Variants in GRIP2 observed in about 807,000 individuals in gnomAD.
GRIP2 encodes glutamate receptor-interacting protein 2.
A neutral mutation model predicts 108.3 loss-of-function variants in GRIP2; 58 were observed. That is an observed-to-expected ratio of 0.54 (90% CI 0.43 to 0.67). The LOEUF (loss-of-function observed/expected upper bound fraction) is 0.67. Ranked by LOEUF, GRIP2 falls within the 30% of genes least tolerant of loss-of-function variation. GRIP2 has a pLI of 0.00. For synonymous variants in GRIP2, 586 were observed against 598.2 expected (o/e 0.98, Z 0.30); for missense variants, 1,278 against 1,430.6 (o/e 0.89, Z 1.72).
Position 14,505,541 on chromosome 3 carries a change from G to A in GRIP2, c.2573+74C>T. On this transcript the variant is annotated intron_variant, in intron 20 of 23. Transcript: ENST00000621039. The surrounding 1 kb of genome is among the most constrained non-coding windows in gnomAD (Gnocchi z 4.2). ...AGACTCTCCATTCCCCCACCACTTT[G>A]GCACAGGCACCCTCGCCCACCCCAG... 2 of 1,497,140 alleles carry A rather than the reference G, an allele frequency of 1.3e-6. No individual in the cohort carries two copies. The highest frequency in any genetic ancestry group is 1.8e-6 in the Non-Finnish European group (2 of 1,103,198). The allele number at this position is 1,497,140 out of a possible 1,614,324, so 92.7% of individuals were successfully genotyped here. A position where few individuals can be genotyped will look rare whatever the true frequency, so the allele number is the denominator to read the frequency against.
At chr3:14,560,958 C>A (rs1695306658), upstream of GRIP2, among the ~76,000 whole-genome samples, 1 of 152,186 alleles carries the variant, frequency 6.6e-6, no homozygotes, top group African/African-American at 2.4e-5. Flanking sequence ...GACCCCTGGG[C>A]CCTCAACTTT....
rs758630194 is a variant in GRIP2 at position 14,517,772 on chromosome 3, A to G, written c.1156T>C (p.Ser386Pro). The G allele has an allele frequency of 3.7e-6, 6 of 1,610,226 alleles. No individual in the cohort carries two copies. The highest frequency in any genetic ancestry group is 1.3e-5 in the African/African-American group (1 of 74,794). ...AGCTACAGCAGGGCAGGCACATTAC[A>G]TCGGCTTTGGTCCTGGCCAGCAGGT... ...ATPAGQDQSR[S>P]LSSTPFSSPT... The change falls in exon 10 of 24, where the codon TCC becomes CCC. Residue 386 changes from serine to proline, a missense_variant and splice_region_variant. By Grantham distance (74) the Ser-to-Pro change is moderately conservative (BLOSUM62 -1). Coordinates refer to ENST00000621039, the MANE Select transcript of GRIP2 (RefSeq NM_001080423.4).
At chr3:14,530,109 C>T (rs1694669770) in intron 1 of GRIP2, among the ~76,000 whole-genome samples, 1 of 152,190 alleles carries the variant, frequency 6.6e-6, no homozygotes, top group Non-Finnish European at 1.5e-5. Context: ...TCAAAGGAGA[C>T]CACTGGAGGC....
intron 10 of GRIP2, 145 bp downstream of exon 10, chr3:14,517,627 G>A (rs1378641353): frequency 5.8e-6 from 6 of 1,036,204 alleles, no homozygotes; most frequent in Middle Eastern, 3.2e-4. Context: ...TCAGCCTCCC[G>A]AGTGGCTGGG....
intron 1 of GRIP2, among the ~76,000 whole-genome samples, chr3:14,538,517 C>G (rs1694887388): frequency 6.6e-6 from 1 of 152,192 alleles, no homozygotes; most frequent in East Asian, 1.9e-4. Flanking sequence ...CGAAGAGACC[C>G]AGAGTCCTAA....
chr3:14,520,633 A>G (rs2124918546), intron 7 of GRIP2, 96 bp from the exon 8 acceptor site: 1 of 1,293,740 alleles, frequency 7.7e-7, no homozygotes, highest in East Asian at 2.3e-5. Context: ...TGCTGCCTGG[A>G]AGAAACTGTT....
intron 1 of GRIP2, among the ~76,000 whole-genome samples, chr3:14,554,385 G>T (rs1222248461): frequency 6.6e-6 from 1 of 152,200 alleles, no homozygotes; most frequent in Non-Finnish European, 1.5e-5. Context: ...TGTCCCTCCA[G>T]CCTGGGAGGA....
the GRIP2 span, among the ~76,000 whole-genome samples, chr3:14,579,815 C>T: frequency 6.6e-5 from 10 of 152,234 alleles, no homozygotes; most frequent in African/African-American, 1.9e-4. Flanking sequence ...CCATTGACCA[C>T]GAGACCAGGG....
intron 10 of GRIP2, among the ~76,000 whole-genome samples, 176 bp downstream of exon 10, chr3:14,517,596 G>C (rs372136536): frequency 6.7e-6 from 1 of 148,848 alleles, no homozygotes; most frequent in East Asian, 2.0e-4. Context: ...CAACCTCCCA[G>C]GCTGAAGCGA....
intron 11 of GRIP2, among the ~76,000 whole-genome samples, chr3:14,515,132 G>A (rs1399024656): frequency 1.3e-5 from 2 of 152,190 alleles, no homozygotes; most frequent in African/African-American, 4.8e-5. Context: ...TTGGCATAAT[G>A]TTTTCAAGTT....
Position 14,517,826 on chromosome 3 carries a change from C to T in GRIP2, c.1102G>A (p.Gly368Ser), listed in dbSNP as rs369712262. 3.4e-4 allele frequency: 539 copies of T among 1,604,810 alleles called. 1 individual carries two copies. The highest frequency in any genetic ancestry group is 4.1e-4 in the Non-Finnish European group (481 of 1,176,218). Reference sequence around the variant, plus strand: ...GCCCAGGTGGGCATCCTGCAGTGGCCGGGCCGGGGGCTGTGGCAGGAGGGC... The same window carrying T: ...GCCCAGGTGGGCATCCTGCAGTGGCTGGGCCGGGGGCTGTGGCAGGAGGGC... ...CVPSCHSPRP[G>S]HCRMPTWATP... Residue 368 changes from glycine to serine, a missense_variant, in exon 10 of 24, where the codon GGC becomes AGC. Physicochemically the swap from Gly to Ser is moderately conservative, Grantham distance 56. Coordinates refer to ENST00000621039, the MANE Select transcript of GRIP2 (RefSeq NM_001080423.4).
upstream of GRIP2, among the ~76,000 whole-genome samples, chr3:14,560,121 G>A (rs760048126): frequency 2.0e-5 from 3 of 151,896 alleles, no homozygotes; most frequent in Non-Finnish European, 2.9e-5. Context: ...TGGCATGGTG[G>A]TGCATGCCTA....
At chr3:14,496,393 C>G in intron 22 of GRIP2, 24 bp downstream of exon 22, 1 of 1,591,184 alleles carries the variant, frequency 6.3e-7, no homozygotes, top group South Asian at 1.1e-5. Context: ...GTCCAGGTCT[C>G]CTGTGCTCAC....
the GRIP2 span, chr3:14,572,972 C>T: frequency 6.8e-7 from 1 of 1,479,860 alleles, no homozygotes; most frequent in Non-Finnish European, 9.4e-7. Context: ...CCAGGCCAGC[C>T]AGGAGGCCCA....
intron 1 of GRIP2, among the ~76,000 whole-genome samples, chr3:14,553,784 C>T (rs1241550501): frequency 1.3e-5 from 2 of 152,080 alleles, no homozygotes; most frequent in Non-Finnish European, 2.9e-5. Context: ...CCTTCTCCCA[C>T]ATCTCTTGGA....
intron 2 of GRIP2, 120 bp downstream of exon 2, chr3:14,525,731 T>TAAGTGGC (rs1559345871): frequency 7.7e-7 from 1 of 1,303,630 alleles, no homozygotes. Flanking sequence ...TCAGAGAGGT[T>TAAGTGGC]AAGTGGCTGG....
At chr3:14,542,064 C>T (rs1694984243), upstream of GRIP2, 4 of 1,349,294 alleles carry the variant, frequency 3.0e-6, no homozygotes, top group South Asian at 4.7e-5. Flanking sequence ...CCTCTTCAGT[C>T]AGGGAGGACA....
At chr3:14,565,528 C>A in the GRIP2 span, among the ~76,000 whole-genome samples, 1 of 152,186 alleles carries the variant, frequency 6.6e-6, no homozygotes, top group Non-Finnish European at 1.5e-5. Context: ...CAGGACCCTG[C>A]CTCCTCTCTC....
the GRIP2 span, among the ~76,000 whole-genome samples, chr3:14,585,036 G>A: frequency 6.6e-6 from 1 of 152,176 alleles, no homozygotes; most frequent in Admixed American, 6.5e-5. Flanking sequence ...TTTTGTTGTG[G>A]TTTTTTGAGA....
Sources: allele counts gnomAD v4.1 joint callset (sites outside exome capture counted in the v4.1 genomes callset), GRCh38; gene constraint gnomAD v4.1.1; non-coding constraint Gnocchi (gnomAD v3.1); transcripts MANE v1.5; gene names NCBI Gene and HGNC (gene_info 2026-07-23, HGNC 2026-07-21).